ADAMTS19: variants seen among roughly 807,000 people sequenced by gnomAD.
ADAMTS19 encodes A disintegrin and metalloproteinase with thrombospondin motifs 19.
In ADAMTS19, 93 loss-of-function variants were observed where a neutral mutation model predicts 153.3. The ratio of observed to expected loss-of-function variants is 0.61; its 90% CI spans 0.51 to 0.72. The LOEUF (loss-of-function observed/expected upper bound fraction) is 0.72. ADAMTS19 is among the 30% of genes least tolerant of loss of function. The pLI is 0.00. For synonymous variants in ADAMTS19, 600 were observed against 556.6 expected, an observed-to-expected ratio of 1.08 and a Z score of -1.10; for missense variants, 1,482 against 1,552.1, an observed-to-expected ratio of 0.95 and a Z score of 0.76.
chr5:129,463,395 TA>T (rs556293571), intron 2 of ADAMTS19, among the ~76,000 whole-genome samples: 1 of 152,148 alleles, frequency 6.6e-6, no homozygotes. Flanking sequence ...AAAGTATTTA[TA>T]AAAAAAGAAT....
At chr5:129,719,286 T>G (rs1302338261) in intron 21 of ADAMTS19, among the ~76,000 whole-genome samples, 1 of 152,172 alleles carries the variant, frequency 6.6e-6, no homozygotes, top group African/African-American at 2.4e-5. Flanking sequence ...ATGCATAGAT[T>G]AATAGTTCCA....
intron 2 of ADAMTS19, among the ~76,000 whole-genome samples, chr5:129,462,511 C>G (rs1385739454): frequency 6.6e-6 from 1 of 152,020 alleles, no homozygotes; most frequent in Non-Finnish European, 1.5e-5. Flanking sequence ...AAAGTAAAAG[C>G]CATTTGCTCT....
intron 2 of ADAMTS19, among the ~76,000 whole-genome samples, chr5:129,473,642 G>C (rs1750135397): frequency 6.6e-6 from 1 of 151,972 alleles, no homozygotes; most frequent in Non-Finnish European, 1.5e-5. Flanking sequence ...CATTTTGTTT[G>C]CTAACATGGA....
At chr5:129,499,442 A>G (rs1751029860) in intron 2 of ADAMTS19, among the ~76,000 whole-genome samples, 4 of 152,196 alleles carry the variant, frequency 2.6e-5, no homozygotes, top group Admixed American at 1.3e-4. Flanking sequence ...GCTTCTATTT[A>G]TTCTCATACT....
At chr5:129,594,392 A>T (rs927532537) in intron 7 of ADAMTS19, among the ~76,000 whole-genome samples, 1 of 152,146 alleles carries the variant, frequency 6.6e-6, no homozygotes, top group South Asian at 2.1e-4. Context: ...TGTGGTGAAA[A>T]AAAGTGGCAA....
At chr5:129,535,881 C>G (rs1289575600) in intron 6 of ADAMTS19, among the ~76,000 whole-genome samples, 1 of 152,094 alleles carries the variant, frequency 6.6e-6, no homozygotes, top group Admixed American at 6.6e-5. Flanking sequence ...GAAACTGGAT[C>G]CCTTCCTTAC....
At chr5:129,609,187 A>G (rs974580762) in intron 8 of ADAMTS19, among the ~76,000 whole-genome samples, 5 of 152,212 alleles carry the variant, frequency 3.3e-5, no homozygotes, top group African/African-American at 1.2e-4. Context: ...TGGATAGTTG[A>G]GAGGGAAAGT....
chr5:129,601,612 G>A (rs1750653200), intron 8 of ADAMTS19, among the ~76,000 whole-genome samples: 1 of 152,276 alleles, frequency 6.6e-6, no homozygotes, highest in Middle Eastern at 3.4e-3. Flanking sequence ...TAGATTAAAA[G>A]CATCAAAGGA....
chr5:129,477,552 G>A (rs1257365983), intron 2 of ADAMTS19, among the ~76,000 whole-genome samples: 3 of 152,164 alleles, frequency 2.0e-5, no homozygotes, highest in African/African-American at 7.2e-5. Context: ...ATTTTCATTT[G>A]AAATGCTTTG....
chr5:129,574,639 C>T (rs184656115), intron 7 of ADAMTS19, among the ~76,000 whole-genome samples: 2 of 151,894 alleles, frequency 1.3e-5, no homozygotes, highest in African/African-American at 4.8e-5. Flanking sequence ...TTAGGCAGGT[C>T]CTTTTTTAAA....
At chr5:129,477,290 T>C (rs558645352) in intron 2 of ADAMTS19, among the ~76,000 whole-genome samples, 1 of 152,318 alleles carries the variant, frequency 6.6e-6, no homozygotes, top group South Asian at 2.1e-4. Flanking sequence ...GATAAAACAG[T>C]AAATTAAAGA....
chr5:129,661,587 T>G (rs1432517247), intron 15 of ADAMTS19, among the ~76,000 whole-genome samples: 1 of 152,204 alleles, frequency 6.6e-6, no homozygotes, highest in Admixed American at 6.6e-5. Flanking sequence ...GTGCTCTATT[T>G]AGAGTTTACT....
intron 3 of ADAMTS19, among the ~76,000 whole-genome samples, chr5:129,511,509 T>A (rs1237863049): frequency 1.3e-5 from 2 of 151,768 alleles, no homozygotes; most frequent in East Asian, 3.9e-4. Context: ...TACAGGAATG[T>A]GGAGATAAAT....
chr5:129,556,559 T>C (rs1753317222), intron 7 of ADAMTS19, among the ~76,000 whole-genome samples: 1 of 152,042 alleles, frequency 6.6e-6, no homozygotes, highest in Non-Finnish European at 1.5e-5. Flanking sequence ...ATTAAGGTAG[T>C]GGATGGAATT....
chr5:129,651,063 A>T (rs913421702), intron 13 of ADAMTS19, among the ~76,000 whole-genome samples: 1 of 152,080 alleles, frequency 6.6e-6, no homozygotes, highest in African/African-American at 2.4e-5. Context: ...TGTGTTGTTA[A>T]CACCTACCCG....
intron 11 of ADAMTS19, among the ~76,000 whole-genome samples, chr5:129,644,807 T>C (rs911964338): frequency 3.9e-5 from 6 of 152,196 alleles, no homozygotes; most frequent in Non-Finnish European, 7.4e-5. Context: ...ACTAGAACCT[T>C]AGACTGTTTG....
chr5:129,569,915 G>A (rs958230148), intron 7 of ADAMTS19, among the ~76,000 whole-genome samples: 3 of 151,910 alleles, frequency 2.0e-5, no homozygotes, highest in Non-Finnish European at 4.4e-5. Flanking sequence ...GGCTGAAAAG[G>A]TAGAATAAGC....
chr5:129,578,592 C>T (rs144271640), intron 7 of ADAMTS19, among the ~76,000 whole-genome samples: 120 of 152,082 alleles, frequency 7.9e-4, no homozygotes, highest in African/African-American at 2.7e-3. Context: ...CTATCCCTCC[C>T]TTAACCCCCA....
At chr5:129,502,079 A>T (rs1751124554) in intron 2 of ADAMTS19, among the ~76,000 whole-genome samples, 1 of 152,096 alleles carries the variant, frequency 6.6e-6, no homozygotes, top group African/African-American at 2.4e-5. Flanking sequence ...ATTGAGTGTG[A>T]TAGATGCAGA....
Sources: gnomAD v4.1 joint callset for allele counts (sites outside exome capture counted in the v4.1 genomes callset) on GRCh38, gnomAD v4.1.1 for gene constraint, MANE v1.5 for transcripts, NCBI Gene and HGNC (gene_info 2026-07-23, HGNC 2026-07-21) for gene names.